NUP93: variants seen among roughly 807,000 people sequenced by gnomAD.
NUP93 encodes nuclear pore complex protein Nup93.
In NUP93, 55 loss-of-function variants were observed where a neutral mutation model predicts 107.8. The ratio of observed to expected loss-of-function variants is 0.51; its 90% CI spans 0.41 to 0.64. NUP93 has a LOEUF of 0.64. Ranked by LOEUF, NUP93 falls within the 30% of genes least tolerant of loss-of-function variation. The pLI is 0.00. For missense variants in NUP93, 937 were observed against 1,044.7 expected (o/e 0.90, Z 1.42); for synonymous variants, 390 against 397.5 (o/e 0.98, Z 0.22).
intron 3 of NUP93, among the ~76,000 whole-genome samples, chr16:56,786,375 A>T (rs1268863755): frequency 6.6e-6 from 1 of 152,154 alleles, no homozygotes; most frequent in Non-Finnish European, 1.5e-5. Flanking sequence ...TTTTGCCCTA[A>T]ATCTGGACCA....
chr16:56,839,486 T>G, intron 19 of NUP93, 35 bp from the exon 20 acceptor site: 1 of 1,542,512 alleles, frequency 6.5e-7, no homozygotes, highest in Non-Finnish European at 8.9e-7. Context: ...ACTGTGATGG[T>G]TGTGTTACAT....
chr16:56,823,133 C>T (rs1164219848), intron 7 of NUP93, among the ~76,000 whole-genome samples: 1 of 152,158 alleles, frequency 6.6e-6, no homozygotes, highest in Non-Finnish European at 1.5e-5. Flanking sequence ...AGAACACCCG[C>T]TCCTTTCCTG....
At chr16:56,759,190 C>A (rs1336358420) in intron 3 of NUP93, among the ~76,000 whole-genome samples, 2 of 152,140 alleles carry the variant, frequency 1.3e-5, no homozygotes, top group Non-Finnish European at 2.9e-5. Flanking sequence ...ATGCCACAAG[C>A]AATTGATAGC....
chr16:56,754,987 A>G (rs1448780751), intron 2 of NUP93, among the ~76,000 whole-genome samples: 6 of 152,224 alleles, frequency 3.9e-5, no homozygotes, highest in Admixed American at 1.3e-4. Context: ...GATAGTAACA[A>G]GTGTTGGCGA....
chr16:56,837,263 G>A (rs1963930067), intron 17 of NUP93, among the ~76,000 whole-genome samples: 1 of 152,138 alleles, frequency 6.6e-6, no homozygotes, highest in Admixed American at 6.5e-5. Flanking sequence ...GAGAAAAGTA[G>A]ACAAAAAAAC....
rs531743123 is a variant in NUP93, at chr16:56,823,662, C to T, written c.655-45C>T. 21 of 1,604,646 alleles carry T rather than the reference C, an allele frequency of 1.3e-5. 1 individual carries two copies. In the South Asian group the frequency reaches 2.1e-4, roughly 16 times the overall value. ...AGTGCCACAAAGAACTAGATAATTTCTCTGGCCCTGCAGCATTGTCACATG... is the reference window on the plus strand; with the variant it reads ...AGTGCCACAAAGAACTAGATAATTTTTCTGGCCCTGCAGCATTGTCACATG... On this transcript the variant is annotated intron_variant, in intron 7 of 21. Transcript: ENST00000308159.
Position 56,754,296 on chromosome 16 carries a change from A to G in NUP93, c.180-4242A>G, listed in dbSNP as rs556710300. Among the ~76,000 whole-genome samples the G allele has an allele frequency of 7.2e-5, 11 of 152,310 alleles. No individual in the cohort carries two copies. The East Asian group carries it at 2.1e-3, about 29-fold the overall frequency. On this transcript the variant is annotated intron_variant, in intron 2 of 21. Coordinates refer to ENST00000308159, the MANE Select transcript of NUP93 (RefSeq NM_014669.5). ...CGACATGAGATTTGGGTGGGGACAC[A>G]GAGCCAAACCATATCATTCCACACC...
At chr16:56,802,270 C>T (rs772844889) in intron 4 of NUP93, among the ~76,000 whole-genome samples, 1 of 152,142 alleles carries the variant, frequency 6.6e-6, no homozygotes, top group East Asian at 1.9e-4. Context: ...TCCATTCTTT[C>T]TGGACAACTT....
At chr16:56,737,684 C>T (rs537845032) in intron 1 of NUP93, among the ~76,000 whole-genome samples, 107 of 151,324 alleles carry the variant, frequency 7.1e-4, no homozygotes, top group Non-Finnish European at 1.4e-3. Context: ...TGAAATTCAT[C>T]CATGTTCTGT....
At chr16:56,815,638 A>C (rs1397777246) in intron 5 of NUP93, among the ~76,000 whole-genome samples, 1 of 152,146 alleles carries the variant, frequency 6.6e-6, no homozygotes, top group African/African-American at 2.4e-5. Context: ...TTTATTGACC[A>C]TATCTTGGAC....
Position 56,805,658 on chromosome 16 carries a change from A to G in NUP93, c.489+26A>G. On this transcript the variant is annotated intron_variant, in intron 5 of 21. Transcript: ENST00000308159. ...GTAGCTTGAATGCAAAAGATAAACT[A>G]CTGTTAATAAAAACATGAAGTCAAA... 3 of 1,602,224 alleles carry G rather than the reference A, an allele frequency of 1.9e-6. No homozygotes were observed. The South Asian group carries it at 3.3e-5, about 18-fold the overall frequency.
intron 5 of NUP93, among the ~76,000 whole-genome samples, chr16:56,807,962 G>C (rs1393844539): frequency 6.7e-6 from 1 of 150,154 alleles, no homozygotes; most frequent in Non-Finnish European, 1.5e-5. Flanking sequence ...GTCGGAGGTC[G>C]CAGTGAGCTG....
intron 3 of NUP93, among the ~76,000 whole-genome samples, chr16:56,794,597 A>T (rs1247481022): frequency 6.6e-6 from 1 of 151,904 alleles, no homozygotes; most frequent in Non-Finnish European, 1.5e-5. Context: ...AGAGAGAGAG[A>T]GAGAGAGAGA....
intron 3 of NUP93, among the ~76,000 whole-genome samples, chr16:56,769,517 T>G (rs1962281906): frequency 6.6e-6 from 1 of 152,170 alleles, no homozygotes; most frequent in Admixed American, 6.5e-5. Flanking sequence ...GCCATAGTTT[T>G]CTGCTTGCTG....
chr16:56,782,292 G>C, intron 3 of NUP93: 1 of 812,674 alleles, frequency 1.2e-6, no homozygotes. Flanking sequence ...TTGTTGCAGT[G>C]CCTCTGAAAG....
intron 1 of NUP93, among the ~76,000 whole-genome samples, chr16:56,741,175 G>T (rs1961734095): frequency 6.6e-6 from 1 of 152,194 alleles, no homozygotes; most frequent in Non-Finnish European, 1.5e-5. Context: ...ATATAAAGTT[G>T]TGATTAAATA....
At chr16:56,803,672 G>A (rs867309946) in intron 4 of NUP93, among the ~76,000 whole-genome samples, 1 of 151,664 alleles carries the variant, frequency 6.6e-6, no homozygotes, top group Non-Finnish European at 1.5e-5. Flanking sequence ...TAATCATTAC[G>A]GGAACATAAA....
chr16:56,796,028 G>C (rs1174614740), intron 3 of NUP93, among the ~76,000 whole-genome samples: 3 of 152,096 alleles, frequency 2.0e-5, no homozygotes, highest in African/African-American at 7.2e-5. Flanking sequence ...AGGTTTTTGG[G>C]GTGTGACAGC....
chr16:56,844,456 G>A (rs201974710), intron 21 of NUP93, 43 bp from the exon 22 acceptor site: 43 of 1,246,268 alleles, frequency 3.5e-5, no homozygotes, highest in Middle Eastern at 2.1e-4. Context: ...GCCCTGACTC[G>A]AAAGTTAACC....
Sources: allele counts gnomAD v4.1 joint callset (sites outside exome capture counted in the v4.1 genomes callset), GRCh38; gene constraint gnomAD v4.1.1; transcripts MANE v1.5; gene names NCBI Gene and HGNC (gene_info 2026-07-23, HGNC 2026-07-21).